Variants in LYAR observed in about 807,000 individuals in gnomAD.
LYAR encodes the protein cell growth-regulating nucleolar protein.
LYAR carries 37 observed loss-of-function variants against 45.2 expected under a neutral mutation model. That is an observed-to-expected ratio of 0.82 (90% CI 0.63 to 1.08). LYAR has a LOEUF of 1.08. LYAR is among the 50% of genes least tolerant of loss of function. The probability of loss-of-function intolerance (pLI) is 0.00; values close to 1 mark genes in which losing one functional copy is unlikely to be tolerated. For missense variants in LYAR, 493 were observed against 451.0 expected (o/e 1.09, Z -0.84); for synonymous variants, 176 against 155.1 (o/e 1.14, Z -1.00).
chr4:4,269,156 T>G (rs893120496), intron 8 of LYAR, among the ~76,000 whole-genome samples: 2 of 152,118 alleles, frequency 1.3e-5, no homozygotes, highest in Non-Finnish European at 2.9e-5. Context: ...AGCTGGGACC[T>G]CGGGGCCTGC....
rs1187211422 is a variant in LYAR at position 4,279,657 on chromosome 4, T to C, written c.330A>G (p.Lys110=). The C allele has an allele frequency of 6.2e-7, 1 of 1,614,058 alleles. No homozygotes were observed. Among genetic ancestry groups the C allele is most frequent in the East Asian group, 2.2e-5 (1 of 44,886 alleles). ...QISAFDNVPR[K]KAKFQNWMKN... The stretch of plus-strand genomic sequence containing the variant: ...CAATTCATACCTGAAATTTTGCCTT[T>C]TTCCTGGGAACGTTGTCAAAAGCAC... The change falls in exon 5 of 10, where the codon AAA becomes AAG. Residue 110 remains lysine, a synonymous_variant. Transcript: ENST00000343470.
intron 2 of LYAR, among the ~76,000 whole-genome samples, chr4:4,285,010 C>T (rs1465738432): frequency 2.0e-5 from 3 of 152,188 alleles, no homozygotes; most frequent in Non-Finnish European, 2.9e-5. Context: ...ACCCAAGCAA[C>T]GACCAAGGTT....
chr4:4,281,940 G>A (rs1719411574), intron 3 of LYAR, 43 bp from the exon 4 acceptor site: 1 of 1,300,880 alleles, frequency 7.7e-7, no homozygotes, highest in African/African-American at 1.5e-5. Flanking sequence ...TGATACCCAA[G>A]TTGGAGGCGC....
chr4:4,270,193 CCTGTCTCGAAA>C (rs1718877920), intron 8 of LYAR, among the ~76,000 whole-genome samples: 1 of 150,062 alleles, frequency 6.7e-6, no homozygotes, highest in Non-Finnish European at 1.5e-5. Flanking sequence ...ACAGTGAGAC[CCTGTCTCGAAA>C]AATAAAAATA....
Position 4,268,037 on chromosome 4 carries a change from A to C in LYAR, c.1006-14T>G. ...CTGAGCTAAAACCTTCACAAAGAAA[A>C]ACATCAAATGAGTGTATTTGACCTG... On this transcript the variant is annotated splice_polypyrimidine_tract_variant and intron_variant, in intron 9 of 9. Coordinates refer to ENST00000343470, the MANE Select transcript of LYAR (RefSeq NM_017816.3). The C allele has an allele frequency of 6.4e-7, 1 of 1,563,612 alleles. No individual in the cohort carries two copies. Among genetic ancestry groups the C allele is most frequent in the South Asian group, 1.2e-5 (1 of 82,724 alleles).
In LYAR at chr4:4,267,863, G is replaced by C. The variant is rs766672230; in HGVS notation, c.*26C>G. The C allele has an allele frequency of 1.1e-5, 17 of 1,584,668 alleles. No individual in the cohort carries two copies. Among genetic ancestry groups the C allele is most frequent in the Non-Finnish European group, 1.4e-5 (16 of 1,165,206 alleles). ...GTGAAAGGAAGAAGTCAGCAGAATG[G>C]ATTCAATTTTTAAATACACAAATGT... On this transcript the variant is annotated 3_prime_UTR_variant, in exon 10 of 10. Transcript: ENST00000343470.
At chr4:4,286,733 G>A (rs745400261) in intron 1 of LYAR, among the ~76,000 whole-genome samples, 161 bp from the exon 2 acceptor site, 1 of 144,244 alleles carries the variant, frequency 6.9e-6, no homozygotes, top group African/African-American at 2.6e-5. Flanking sequence ...TGCAAGCTCC[G>A]CCTCCCGGGT....
At position 4,274,458 on chromosome 4, in the gene LYAR, C is replaced by T. The variant is rs1219874294; in HGVS notation, c.741G>A (p.Lys247=). 6.2e-6 allele frequency: 10 copies of T among 1,614,088 alleles called. No individual in the cohort carries two copies. The highest frequency in any genetic ancestry group is 8.5e-6 in the Non-Finnish European group (10 of 1,180,052). ...TGCGCTGCTTCTTCTTCTTGCTCCT[C>T]TTCCCTGCAGAGCCATTGGCCTCAG... ...EVPEANGSAG[K]RSKKKKQRKD... is the part of the protein sequence containing the mutation. The change falls in exon 7 of 10, where the codon AAG becomes AAA. Residue 247 remains lysine (K), a synonymous_variant. Transcript: ENST00000343470.
intron 6 of LYAR, among the ~76,000 whole-genome samples, chr4:4,278,596 C>G (rs114962064): frequency 1.5e-3 from 236 of 152,290 alleles, no homozygotes; most frequent in African/African-American, 5.5e-3. Flanking sequence ...CAGAGGAACA[C>G]CTAGTCACTA....
rs116024044 is a variant in LYAR at position 4,268,645 on chromosome 4, T to C, written c.920-30A>G. ...AATATAAATAATAATATTTAAGACA[T>C]TTCGTTTTGTTGTACTACGAGAAGG... is the stretch of plus-strand genomic sequence containing the variant. On this transcript the variant is annotated intron_variant, in intron 8 of 9. Coordinates refer to ENST00000343470, the MANE Select transcript of LYAR (RefSeq NM_017816.3). 8.0e-4 allele frequency: 1,152 copies of C among 1,433,840 alleles called. 8 individuals are homozygous for C. The African/African-American group carries it at 0.013, about 16-fold the overall frequency. The allele number at this position is 1,433,840 out of a possible 1,614,324, so 88.8% of individuals were successfully genotyped here.
At chr4:4,278,218 C>T (rs911172985) in intron 6 of LYAR, among the ~76,000 whole-genome samples, 10 of 152,092 alleles carry the variant, frequency 6.6e-5, no homozygotes, top group African/African-American at 1.9e-4. Context: ...GGTGTACTAC[C>T]GAGATAAATT....
At position 4,276,965 on chromosome 4, in the gene LYAR, C is replaced by T. The variant is rs572465198; in HGVS notation, c.430-2196G>A. ...TGGGGTAAAGGGCAGAGGAGGATTT[C>T]AGAAATAGACTTAGGAAGAAGGGGA... is the stretch of plus-strand genomic sequence containing the variant. On this transcript the variant is annotated intron_variant, in intron 6 of 9. Coordinates refer to ENST00000343470, the MANE Select transcript of LYAR (RefSeq NM_017816.3). 1.6e-4 allele frequency among the ~76,000 whole-genome samples: 25 copies of T among 152,278 alleles called. No individual in the cohort carries two copies. In the South Asian group the frequency reaches 4.8e-3, roughly 29 times the overall value.
chr4:4,284,044 A>G (rs1339305418), intron 2 of LYAR, among the ~76,000 whole-genome samples: 1 of 152,218 alleles, frequency 6.6e-6, no homozygotes, highest in Non-Finnish European at 1.5e-5. Flanking sequence ...CACTTATTCA[A>G]TCCCCGCAGT....
intron 9 of LYAR, 88 bp downstream of exon 9, chr4:4,268,442 G>T: frequency 1.1e-6 from 1 of 897,486 alleles, no homozygotes. Flanking sequence ...CAGTGTTTTA[G>T]GTGAAAAAAG....
chr4:4,286,189 G>A lies in LYAR; in HGVS notation c.-54+330C>T, dbSNP rs373375725. On this transcript the variant is annotated intron_variant, in intron 2 of 9. Transcript: ENST00000343470. Reference sequence around the variant, plus strand: ...TTGCTTGGCTAATGAGCTAATGTCTGTAAGGAGCTTACCTCTCCTTTATTC... The same window carrying A: ...TTGCTTGGCTAATGAGCTAATGTCTATAAGGAGCTTACCTCTCCTTTATTC... 5.3e-5 allele frequency among the ~76,000 whole-genome samples: 8 copies of A among 152,300 alleles called. No homozygotes were observed. In the East Asian group the frequency reaches 1.2e-3, roughly 22 times the overall value.
chr4:4,276,590 C>G (rs1719188115), intron 6 of LYAR, among the ~76,000 whole-genome samples: 1 of 148,878 alleles, frequency 6.7e-6, no homozygotes, highest in Non-Finnish European at 1.5e-5. Flanking sequence ...GGTGCGGTGG[C>G]TCATGCTTGT....
intron 8 of LYAR, among the ~76,000 whole-genome samples, chr4:4,270,034 C>T (rs775870742): frequency 1.3e-5 from 2 of 151,954 alleles, no homozygotes; most frequent in Non-Finnish European, 2.9e-5. Flanking sequence ...GCCTGGGCAA[C>T]ACTGCAAGAC....
At chr4:4,277,712 C>G (rs35860895) in intron 6 of LYAR, among the ~76,000 whole-genome samples, 39 of 152,332 alleles carry the variant, frequency 2.6e-4, no homozygotes, top group Non-Finnish European at 4.4e-4. Flanking sequence ...CTATCTCCCC[C>G]ACTAGAACAC....
chr4:4,279,025 C>G (rs1719293592), intron 6 of LYAR, among the ~76,000 whole-genome samples: 1 of 152,108 alleles, frequency 6.6e-6, no homozygotes. Flanking sequence ...CTAAGAGGTT[C>G]TCTAAAAAAG....
Sources: gnomAD v4.1 joint callset for allele counts (sites outside exome capture counted in the v4.1 genomes callset) on GRCh38, gnomAD v4.1.1 for gene constraint, MANE v1.5 for transcripts, NCBI Gene and HGNC (gene_info 2026-07-23, HGNC 2026-07-21) for gene names.